NRG1: variants seen among roughly 807,000 people sequenced by gnomAD.
The protein encoded by NRG1 is pro-neuregulin-1, membrane-bound isoform.
NRG1 carries 18 observed loss-of-function variants against 63.8 expected under a neutral mutation model. The observed-to-expected ratio is 0.28, with a 90% CI of 0.19 to 0.42. The LOEUF is 0.42. NRG1 is among the 10% of genes least tolerant of loss of function. The probability of loss-of-function intolerance (pLI) is 1.00; values close to 1 mark genes in which losing one functional copy is unlikely to be tolerated. For missense variants in NRG1, 762 were observed against 814.7 expected (o/e 0.94, Z 0.79); for synonymous variants, 302 against 301.3 (o/e 1.00, Z -0.02).
chr8:31,664,341 TG>T (rs907794918), intron 1 of NRG1, among the ~76,000 whole-genome samples: 77 of 152,264 alleles, frequency 5.1e-4, no homozygotes, highest in African/African-American at 1.7e-3. Flanking sequence ...AAGGCTTACC[TG>T]GGTGGAGGGA....
At chr8:31,849,768 T>G (rs1374050646) in intron 1 of NRG1, among the ~76,000 whole-genome samples, 3 of 152,196 alleles carry the variant, frequency 2.0e-5, no homozygotes, top group Admixed American at 2.0e-4. Flanking sequence ...ATTCTTTGTT[T>G]AGTAGCAGTT....
intron 1 of NRG1, among the ~76,000 whole-genome samples, chr8:32,462,595 C>CTTTTTTTTT (rs58485445): frequency 2.8e-5 from 2 of 72,272 alleles, no homozygotes; most frequent in Admixed American, 2.4e-4. Context: ...CACACTGATT[C>CTTTTTTTTT]TTTTTTTTTT....
chr8:31,926,396 T>A (rs1478057767), intron 1 of NRG1, among the ~76,000 whole-genome samples: 1 of 152,092 alleles, frequency 6.6e-6, no homozygotes, highest in Non-Finnish European at 1.5e-5. Flanking sequence ...GCTTTCTGGA[T>A]CTTGGTCTGT....
At chr8:31,783,603 C>CAA (rs772436543) in intron 1 of NRG1, among the ~76,000 whole-genome samples, 18,634 of 110,326 alleles carry the variant, frequency 0.17, 1,515 homozygotes, top group Non-Finnish European at 0.23. Flanking sequence ...TGTTTTCAGG[C>CAA]AAAAAAAAAA....
At chr8:32,698,961 T>C (rs777525466) in intron 5 of NRG1, among the ~76,000 whole-genome samples, 2 of 152,214 alleles carry the variant, frequency 1.3e-5, no homozygotes, top group Non-Finnish European at 2.9e-5. Flanking sequence ...TGAAAATATA[T>C]TCCACCTCAT....
intron 1 of NRG1, among the ~76,000 whole-genome samples, chr8:31,924,348 C>T (rs1453617414): frequency 2.9e-5 from 1 of 34,974 alleles, no homozygotes; most frequent in Non-Finnish European, 6.1e-5. Context: ...GAGACTCCAT[C>T]TCAAAAAAAA....
intron 1 of NRG1, among the ~76,000 whole-genome samples, chr8:31,813,877 C>T (rs1286346265): frequency 1.3e-5 from 2 of 152,146 alleles, no homozygotes; most frequent in African/African-American, 4.8e-5. Context: ...ACTCTCACAA[C>T]AATCCCATCA....
chr8:32,049,098 A>C (rs1217435207), intron 1 of NRG1, among the ~76,000 whole-genome samples: 1 of 152,056 alleles, frequency 6.6e-6, no homozygotes, highest in African/African-American at 2.4e-5. Flanking sequence ...TCCTCCACTA[A>C]TGATCTGAAT....
At chr8:32,278,224 A>G (rs954035895) in intron 1 of NRG1, among the ~76,000 whole-genome samples, 1 of 152,244 alleles carries the variant, frequency 6.6e-6, no homozygotes. Context: ...GTTCTGATAC[A>G]CAGAACACAG....
At chr8:32,045,086 A>G (rs1586704293) in intron 1 of NRG1, among the ~76,000 whole-genome samples, 1 of 151,796 alleles carries the variant, frequency 6.6e-6, no homozygotes, top group Non-Finnish European at 1.5e-5. Flanking sequence ...ACTGACAGGA[A>G]CAAAGATAAA....
Position 32,468,330 on chromosome 8 carries a change from T to G in NRG1, c.38-127498T>G, listed in dbSNP as rs1380301497. Among the ~76,000 whole-genome samples, 3 of 152,202 alleles carry G rather than the reference T, an allele frequency of 2.0e-5. No homozygotes were observed. In the South Asian group the frequency reaches 6.2e-4, roughly 32 times the overall value. Reference sequence around the variant, plus strand: ...CTGAGGTTGACCGAAGTTAGTTCTTTTAGTTGGTTCTTGAGAAAACCCTTT... The same window carrying G: ...CTGAGGTTGACCGAAGTTAGTTCTTGTAGTTGGTTCTTGAGAAAACCCTTT... On this transcript the variant is annotated intron_variant, in intron 1 of 10. Coordinates refer to the NRG1 transcript ENST00000519301.
chr8:32,605,898 A>G (rs1018408923), intron 3 of NRG1, among the ~76,000 whole-genome samples: 4 of 152,086 alleles, frequency 2.6e-5, no homozygotes, highest in Non-Finnish European at 4.4e-5. Context: ...TATTTTTTAC[A>G]AAAGGATTTT....
chr8:31,648,962 CTT>C (rs58167732), intron 1 of NRG1, among the ~76,000 whole-genome samples: 23,549 of 136,414 alleles, frequency 0.17, 2,162 homozygotes, highest in East Asian at 0.31. Flanking sequence ...TTTTTCTTTT[CTT>C]TTTTTTTTTT....
intron 1 of NRG1, among the ~76,000 whole-genome samples, chr8:32,373,344 G>T (rs1809178395): frequency 6.6e-6 from 1 of 152,120 alleles, no homozygotes; most frequent in Non-Finnish European, 1.5e-5. Context: ...AGAGCAATTT[G>T]GCAATGTGAT....
At chr8:31,800,018 A>G (rs1821603256) in intron 1 of NRG1, among the ~76,000 whole-genome samples, 1 of 152,182 alleles carries the variant, frequency 6.6e-6, no homozygotes, top group South Asian at 2.1e-4. Context: ...AATTGATGCA[A>G]TTCTCTTGGA....
chr8:32,192,054 T>G (rs1230843619), intron 1 of NRG1: 2 of 152,338 alleles, frequency 1.3e-5, no homozygotes, highest in Non-Finnish European at 2.9e-5. Flanking sequence ...AGGGATCGCT[T>G]TCTTATTTCC....
intron 1 of NRG1, among the ~76,000 whole-genome samples, chr8:32,002,033 T>A (rs973872309): frequency 4.6e-5 from 7 of 152,058 alleles, no homozygotes; most frequent in Non-Finnish European, 1.0e-4. Context: ...AATTGAATTT[T>A]TTTTTCTTGA....
intron 5 of NRG1, among the ~76,000 whole-genome samples, chr8:32,627,239 T>G (rs1313492362): frequency 2.0e-5 from 3 of 152,096 alleles, no homozygotes; most frequent in Admixed American, 1.3e-4. Context: ...TAGTGATGAT[T>G]GAAGGTGCTG....
intron 1 of NRG1, among the ~76,000 whole-genome samples, chr8:31,893,960 T>A (rs1563535484): frequency 6.6e-6 from 1 of 152,134 alleles, no homozygotes; most frequent in Non-Finnish European, 1.5e-5. Flanking sequence ...GTTATGCAGA[T>A]CATTGTTATT....
Sources: gnomAD v4.1 joint callset for allele counts (sites outside exome capture counted in the v4.1 genomes callset) on GRCh38, gnomAD v4.1.1 for gene constraint, MANE v1.5 for transcripts, NCBI Gene and HGNC (gene_info 2026-07-23, HGNC 2026-07-21) for gene names.